Variants in FAM120C observed in about 807,000 individuals in gnomAD.
FAM120C encodes constitutive coactivator of PPAR-gamma-like protein 2.
Under a neutral mutation model 71.2 loss-of-function variants are expected in FAM120C, and 14 were observed. The ratio of observed to expected loss-of-function variants is 0.20; its 90% CI spans 0.13 to 0.31. The LOEUF is 0.31. Ranked by LOEUF, FAM120C falls within the 10% of genes least tolerant of loss-of-function variation. FAM120C has a pLI of 1.00. For missense variants in FAM120C, 500 were observed against 879.0 expected, an observed-to-expected ratio of 0.57 and a Z score of 5.45; for synonymous variants, 354 against 353.2, an observed-to-expected ratio of 1.00 and a Z score of -0.03.
intron 3 of FAM120C, 141 bp downstream of exon 3, chrX:54,157,548 G>A (rs782006300): frequency 2.6e-5 from 12 of 460,342 alleles, no homozygotes; most frequent in African/African-American, 4.9e-5. Flanking sequence ...AGTCACCACC[G>A]CACCTGGCCA....
Position 54,145,754 on chromosome X carries a change from C to T in FAM120C, c.1158+5491G>A, listed in dbSNP as rs1321241180. Among the ~76,000 whole-genome samples, 3 of 111,862 alleles carry T rather than the reference C, an allele frequency of 2.7e-5. No homozygotes were observed. The South Asian group carries it at 1.1e-3, about 42-fold the overall frequency. The stretch of plus-strand genomic sequence containing the variant: ...CATTGTGGAAGACAGTGTGGTGATT[C>T]CTCAGGGACCTAGAACTAGAAATAC... On this transcript the variant is annotated intron_variant, in intron 4 of 15. Coordinates refer to ENST00000375180, the MANE Select transcript of FAM120C (RefSeq NM_017848.6).
intron 12 of FAM120C, 22 bp from the exon 13 acceptor site, chrX:54,085,938 A>G (rs782726240): frequency 8.4e-7 from 1 of 1,190,653 alleles, no homozygotes; most frequent in South Asian, 1.8e-5. Flanking sequence ...GAAGAGTAAT[A>G]ATAGCAGCTG....
chrX:54,107,100 TG>T (rs1232121306), intron 10 of FAM120C, among the ~76,000 whole-genome samples: 1 of 109,892 alleles, frequency 9.1e-6, no homozygotes, highest in Non-Finnish European at 1.9e-5. Flanking sequence ...TTGTTTGTTT[TG>T]GTTTTTTTTT....
intron 1 of FAM120C, among the ~76,000 whole-genome samples, chrX:54,161,667 T>C (rs1256197329): frequency 1.8e-5 from 2 of 112,680 alleles, no homozygotes; most frequent in Non-Finnish European, 3.7e-5. Flanking sequence ...AGTCTTACTC[T>C]GTCACCCAGA....
At chrX:54,110,809 C>T (rs1482613880) in intron 10 of FAM120C, among the ~76,000 whole-genome samples, 4 of 110,621 alleles carry the variant, frequency 3.6e-5, no homozygotes, top group Admixed American at 1.9e-4. Flanking sequence ...CCTGTAGCCG[C>T]AGCACTTTGC....
At chrX:54,150,556 A>C (rs1557132874) in intron 4 of FAM120C, among the ~76,000 whole-genome samples, 1 of 111,743 alleles carries the variant, frequency 8.9e-6, no homozygotes, top group East Asian at 2.8e-4. Context: ...TCCTAAGCTC[A>C]AGTAATCTTC....
chrX:54,172,127 A>G (rs1423465219), intron 1 of FAM120C, among the ~76,000 whole-genome samples: 1 of 112,588 alleles, frequency 8.9e-6, no homozygotes, highest in Non-Finnish European at 1.9e-5. Context: ...TTGTGAAGGT[A>G]TTTCTGAACA....
At chrX:54,107,713 G>T (rs926591252) in intron 10 of FAM120C, among the ~76,000 whole-genome samples, 5 of 101,649 alleles carry the variant, frequency 4.9e-5, no homozygotes, top group African/African-American at 1.8e-4. Context: ...TAGAGACAGG[G>T]TTTCACCATG....
At chrX:54,109,824 A>G (rs782098544) in intron 10 of FAM120C, among the ~76,000 whole-genome samples, 2 of 106,126 alleles carry the variant, frequency 1.9e-5, no homozygotes, top group East Asian at 6.0e-4. Context: ...CTAAAAAAAA[A>G]AACCAAACAT....
intron 1 of FAM120C, among the ~76,000 whole-genome samples, chrX:54,177,264 C>T (rs1446134527): frequency 9.0e-6 from 1 of 111,007 alleles, no homozygotes; most frequent in Non-Finnish European, 1.9e-5. Context: ...TTTTCAGAAT[C>T]GTGTCTCTGG....
chrX:54,081,855 C>T (rs781933097), intron 13 of FAM120C, among the ~76,000 whole-genome samples: 4 of 108,618 alleles, frequency 3.7e-5, no homozygotes, highest in African/African-American at 1.3e-4. Context: ...TCCTACAACC[C>T]GCTACCTACT....
chrX:54,172,546 T>C (rs1312741701), intron 1 of FAM120C, among the ~76,000 whole-genome samples: 1 of 112,422 alleles, frequency 8.9e-6, no homozygotes, highest in Non-Finnish European at 1.9e-5. Flanking sequence ...TTTTGAACAA[T>C]TGTTATTAAA....
intron 10 of FAM120C, among the ~76,000 whole-genome samples, chrX:54,094,612 G>A (rs1029206465): frequency 2.3e-4 from 25 of 108,966 alleles, no homozygotes; most frequent in Non-Finnish European, 4.6e-4. Context: ...AAAATTAGTA[G>A]TGGCAGCCAG....
intron 13 of FAM120C, among the ~76,000 whole-genome samples, chrX:54,083,478 C>CACACACACACACACACA (rs782758591): frequency 1.2e-4 from 12 of 101,779 alleles, no homozygotes; most frequent in African/African-American, 3.5e-4. Flanking sequence ...CACACACACA[C>CACACACACACACACACA]CAAAATATTA....
At chrX:54,177,482 AAG>A (rs1388494029) in intron 1 of FAM120C, among the ~76,000 whole-genome samples, 1 of 111,468 alleles carries the variant, frequency 9.0e-6, no homozygotes, top group Non-Finnish European at 1.9e-5. Flanking sequence ...CAGGAGAGTG[AAG>A]AATTGAGGAC....
rs1408242948 is a variant in FAM120C at position 54,068,965 on chromosome X, C to T, written c.*4068G>A. 1 of 111,796 alleles carries T rather than the reference C, an allele frequency of 8.9e-6. No individual in the cohort carries two copies. The highest frequency in any genetic ancestry group is 1.9e-5 in the Non-Finnish European group (1 of 53,138). 9.2% of individuals were successfully genotyped at this position (111,796 alleles called of 1,213,427 possible). ...ATTTTGCTTCATTTACATGAAAATT[C>T]ACTAGTCATTAGTTACTACCAACAC... On this transcript the variant is annotated 3_prime_UTR_variant, in exon 16 of 16. Coordinates refer to ENST00000375180, the MANE Select transcript of FAM120C (RefSeq NM_017848.6).
Position 54,068,536 on chromosome X carries a change from G to A in FAM120C, c.*4497C>T, listed in dbSNP as rs1295996499. ...CATTAATAAACTATGGAGCTTTTGT[G>A]GTGAGGTGGGCCAAAAAGGCAGGGA... On this transcript the variant is annotated 3_prime_UTR_variant, in exon 16 of 16. Transcript: ENST00000375180. The A allele has an allele frequency of 4.5e-5, 5 of 110,931 alleles. No homozygotes were observed. Among genetic ancestry groups the A allele is most frequent in the Non-Finnish European group, 9.4e-5 (5 of 53,068 alleles). 9.1% of individuals were successfully genotyped at this position (110,931 alleles called of 1,213,427 possible). A position where few individuals can be genotyped will look rare whatever the true frequency, so the allele number is the denominator to read the frequency against.
intron 2 of FAM120C, among the ~76,000 whole-genome samples, chrX:54,158,540 G>A (rs2067221187): frequency 8.9e-6 from 1 of 111,908 alleles, no homozygotes; most frequent in South Asian, 3.8e-4. Context: ...AGGCCGAGGC[G>A]GGTGGATTGC....
At chrX:54,175,571 C>A (rs141874339) in intron 1 of FAM120C, among the ~76,000 whole-genome samples, 6 of 109,936 alleles carry the variant, frequency 5.5e-5, no homozygotes, top group African/African-American at 2.0e-4. Flanking sequence ...TGCATTGGTG[C>A]GATCTCAGCT....
Sources: gnomAD v4.1 joint callset for allele counts (sites outside exome capture counted in the v4.1 genomes callset) on GRCh38, gnomAD v4.1.1 for gene constraint, MANE v1.5 for transcripts, NCBI Gene and HGNC (gene_info 2026-07-23, HGNC 2026-07-21) for gene names.